SPOCK1: variants seen among roughly 807,000 people sequenced by gnomAD.
SPOCK1 encodes the protein SPARC (osteonectin), cwcv and kazal like domains proteoglycan 1, also known as testican-1.
In SPOCK1, 23 loss-of-function variants were observed where a neutral mutation model predicts 55.3. The ratio of observed to expected loss-of-function variants is 0.42; its 90% CI spans 0.30 to 0.59. The LOEUF (loss-of-function observed/expected upper bound fraction) is 0.59, where lower values mean the gene tolerates loss of function less well. Among genes scored for constraint, SPOCK1 ranks in the 20% least tolerant of loss-of-function variants. The pLI, the probability that SPOCK1 is intolerant of heterozygous loss-of-function variation, is 0.22. For synonymous variants in SPOCK1, 226 were observed against 221.0 expected, an observed-to-expected ratio of 1.02 and a Z score of -0.20; for missense variants, 499 against 552.5, an observed-to-expected ratio of 0.90 and a Z score of 0.97.
At chr5:137,130,576 T>C (rs554915862) in intron 4 of SPOCK1, among the ~76,000 whole-genome samples, 88 of 152,352 alleles carry the variant, frequency 5.8e-4, no homozygotes, top group Non-Finnish European at 1.2e-3. Flanking sequence ...CCCTGGTGCC[T>C]GCCAAGAGAA....
At chr5:137,363,660 C>T (rs1445960717) in intron 2 of SPOCK1, among the ~76,000 whole-genome samples, 1 of 152,204 alleles carries the variant, frequency 6.6e-6, no homozygotes, top group Admixed American at 6.5e-5. Context: ...CTAGATTTGT[C>T]TTATCCATCA....
intron 6 of SPOCK1, among the ~76,000 whole-genome samples, chr5:137,054,916 A>C (rs1015627057): frequency 1.3e-5 from 2 of 152,206 alleles, no homozygotes; most frequent in African/African-American, 4.8e-5. Flanking sequence ...ATGAGTTTAC[A>C]GTGCCAGTAC....
chr5:137,443,692 T>G (rs1309491466), intron 2 of SPOCK1, among the ~76,000 whole-genome samples: 3 of 152,198 alleles, frequency 2.0e-5, no homozygotes, highest in Non-Finnish European at 2.9e-5. Flanking sequence ...CAGACAGCCA[T>G]GGGTTCACCA....
intron 6 of SPOCK1, among the ~76,000 whole-genome samples, chr5:137,012,838 C>G (rs1751377279): frequency 6.6e-6 from 1 of 152,082 alleles, no homozygotes; most frequent in African/African-American, 2.4e-5. Context: ...GAAAAAATAA[C>G]CTAGAAATAA....
chr5:137,287,946 A>G (rs1757298577), intron 2 of SPOCK1, among the ~76,000 whole-genome samples: 1 of 152,258 alleles, frequency 6.6e-6, no homozygotes, highest in African/African-American at 2.4e-5. Flanking sequence ...GGGAAGTCCC[A>G]TTACAAGAGG....
At chr5:137,138,010 TATC>T (rs1356615966) in intron 4 of SPOCK1, among the ~76,000 whole-genome samples, 1 of 151,882 alleles carries the variant, frequency 6.6e-6, no homozygotes, top group African/African-American at 2.4e-5. Context: ...TCATAAAATT[TATC>T]ATCCATAAAC....
intron 2 of SPOCK1, among the ~76,000 whole-genome samples, chr5:137,382,014 G>A (rs185999302): frequency 8.1e-4 from 123 of 152,198 alleles, no homozygotes; most frequent in African/African-American, 2.3e-3. Flanking sequence ...TCACACATAC[G>A]AGCATATACA....
intron 6 of SPOCK1, among the ~76,000 whole-genome samples, chr5:137,031,749 A>G (rs1490320825): frequency 6.6e-6 from 1 of 152,142 alleles, no homozygotes; most frequent in African/African-American, 2.4e-5. Flanking sequence ...GGGAATTAAT[A>G]CCAAGTCCTC....
chr5:137,349,715 C>T (rs183703781), intron 2 of SPOCK1, among the ~76,000 whole-genome samples: 3 of 152,284 alleles, frequency 2.0e-5, no homozygotes, highest in Non-Finnish European at 4.4e-5. Flanking sequence ...AGATGCATCA[C>T]CTTGATCTCT....
intron 6 of SPOCK1, among the ~76,000 whole-genome samples, chr5:137,042,531 TTATAAAGGTGCTGACCTGTG>T (rs1451368192): frequency 1.3e-5 from 2 of 152,158 alleles, no homozygotes; most frequent in African/African-American, 4.8e-5. Flanking sequence ...TCTGAATGTA[TTATAAAGGTGCTGACCTGTG>T]TAGTTTTGGA....
chr5:137,120,569 A>T (rs2127037646), intron 4 of SPOCK1, among the ~76,000 whole-genome samples: 1 of 152,300 alleles, frequency 6.6e-6, no homozygotes, highest in South Asian at 2.1e-4. Flanking sequence ...ATTTCCAAAA[A>T]CACTGCATGA....
chr5:137,209,302 G>A (rs1158725888), intron 3 of SPOCK1, among the ~76,000 whole-genome samples: 1 of 152,144 alleles, frequency 6.6e-6, no homozygotes, highest in Non-Finnish European at 1.5e-5. Context: ...GTAATTCGAA[G>A]CTATTAAGGC....
At chr5:137,036,163 A>G (rs1439218466) in intron 6 of SPOCK1, among the ~76,000 whole-genome samples, 1 of 152,228 alleles carries the variant, frequency 6.6e-6, no homozygotes, top group Non-Finnish European at 1.5e-5. Flanking sequence ...TGAAGAGGAA[A>G]GAAGCTAATA....
intron 3 of SPOCK1, among the ~76,000 whole-genome samples, chr5:137,183,495 A>G (rs1028604928): frequency 6.6e-6 from 1 of 152,226 alleles, no homozygotes; most frequent in South Asian, 2.1e-4. Flanking sequence ...CTCAAATCCA[A>G]CTTCACAACA....
intron 2 of SPOCK1, among the ~76,000 whole-genome samples, chr5:137,356,365 T>C (rs1170824529): frequency 9.9e-5 from 15 of 152,162 alleles, no homozygotes; most frequent in Non-Finnish European, 1.0e-4. Context: ...TCTGGACATT[T>C]AGGAAACTTA....
chr5:137,018,153 T>A (rs1751488225), intron 6 of SPOCK1, among the ~76,000 whole-genome samples: 1 of 152,092 alleles, frequency 6.6e-6, no homozygotes, highest in African/African-American at 2.4e-5. Context: ...GCCAGGGATG[T>A]TGTTAACATC....
chr5:137,418,940 C>T (rs1752418235), intron 2 of SPOCK1, among the ~76,000 whole-genome samples: 2 of 152,140 alleles, frequency 1.3e-5, no homozygotes, highest in Non-Finnish European at 2.9e-5. Context: ...TTAGGTCTGA[C>T]ATTTAAGTCT....
intron 3 of SPOCK1, among the ~76,000 whole-genome samples, chr5:137,234,791 C>T (rs1295786200): frequency 6.6e-6 from 1 of 152,130 alleles, no homozygotes; most frequent in African/African-American, 2.4e-5. Flanking sequence ...ACACCATGTT[C>T]ACCAACTGAT....
chr5:136,995,503 G>A (rs1373436273), intron 6 of SPOCK1, among the ~76,000 whole-genome samples: 1 of 152,180 alleles, frequency 6.6e-6, no homozygotes, highest in African/African-American at 2.4e-5. Context: ...AGAGAATGTG[G>A]CCTGTTTTTC....
Sources: gnomAD v4.1 joint callset for allele counts (sites outside exome capture counted in the v4.1 genomes callset) on GRCh38, gnomAD v4.1.1 for gene constraint, MANE v1.5 for transcripts, NCBI Gene and HGNC (gene_info 2026-07-23, HGNC 2026-07-21) for gene names.